The following EXOC4 variants were observed in gnomAD, a reference collection of about 807,000 sequenced individuals.
EXOC4 encodes the protein SEC8-like 1.
A neutral mutation model predicts 107.2 loss-of-function variants in EXOC4; 71 were observed. The observed-to-expected ratio is 0.66, with a 90% CI of 0.55 to 0.81. The LOEUF (loss-of-function observed/expected upper bound fraction) is 0.81, where lower values mean the gene tolerates loss of function less well. EXOC4 is among the 30% of genes least tolerant of loss of function. The pLI is 0.00. For synonymous variants in EXOC4, 456 were observed against 441.2 expected (o/e 1.03, Z -0.42); for missense variants, 1,108 against 1,189.6 (o/e 0.93, Z 1.01).
At chr7:133,356,949 C>T (rs1320451386) in intron 6 of EXOC4, among the ~76,000 whole-genome samples, 2 of 152,154 alleles carry the variant, frequency 1.3e-5, no homozygotes, top group East Asian at 1.9e-4. Flanking sequence ...CATTGCTCTC[C>T]GGCCTAGGTG....
intron 11 of EXOC4, among the ~76,000 whole-genome samples, chr7:133,887,543 T>G (rs1318435319): frequency 6.6e-6 from 1 of 152,154 alleles, no homozygotes; most frequent in East Asian, 1.9e-4. Context: ...ACAAATTTAA[T>G]GCATGAGTCA....
At chr7:133,351,735 T>C (rs1471873225) in intron 5 of EXOC4, among the ~76,000 whole-genome samples, 1 of 151,958 alleles carries the variant, frequency 6.6e-6, no homozygotes, top group Non-Finnish European at 1.5e-5. Flanking sequence ...GTTAGTTTGT[T>C]CTGTTTTCAG....
intron 2 of EXOC4, among the ~76,000 whole-genome samples, chr7:133,281,746 AG>A (rs553141156): frequency 9.8e-4 from 147 of 150,586 alleles, no homozygotes; most frequent in African/African-American, 3.4e-3. Flanking sequence ...CTGTTGCCCA[AG>A]CTGGAGGGCA....
At chr7:133,831,306 A>T (rs564090303) in intron 11 of EXOC4, among the ~76,000 whole-genome samples, 31 of 152,266 alleles carry the variant, frequency 2.0e-4, no homozygotes, top group African/African-American at 7.0e-4. Context: ...ATGTAGTAGA[A>T]TGTAGTTATG....
At chr7:133,412,293 T>TTTTG (rs1206671295) in intron 7 of EXOC4, among the ~76,000 whole-genome samples, 6 of 147,694 alleles carry the variant, frequency 4.1e-5, no homozygotes, top group Admixed American at 6.8e-5. Context: ...TTTTTTTTTT[T>TTTTG]TTTTTTTTGC....
Position 133,458,152 on chromosome 7 carries a change from G to A in EXOC4, c.1183-17176G>A, listed in dbSNP as rs548403306. 2.2e-4 allele frequency among the ~76,000 whole-genome samples: 34 copies of A among 152,216 alleles called. No homozygotes were observed. The South Asian group carries it at 5.0e-3, about 22-fold the overall frequency. ...GTAGTTATTTTGTCTAGACCACTACGCAGCTATTCATCTCATTCATTATTG... is the reference window on the plus strand; with the variant it reads ...GTAGTTATTTTGTCTAGACCACTACACAGCTATTCATCTCATTCATTATTG... On this transcript the variant is annotated intron_variant, in intron 7 of 17. Coordinates refer to ENST00000253861, the MANE Select transcript of EXOC4 (RefSeq NM_021807.4).
intron 6 of EXOC4, among the ~76,000 whole-genome samples, chr7:133,374,393 A>G (rs981925470): frequency 2.0e-5 from 3 of 152,124 alleles, no homozygotes; most frequent in African/African-American, 7.2e-5. Flanking sequence ...TAATATCCTT[A>G]TCAAAGTGCC....
intron 5 of EXOC4, among the ~76,000 whole-genome samples, chr7:133,338,625 T>TAAAA (rs1554438696): frequency 3.5e-4 from 23 of 65,934 alleles, no homozygotes; most frequent in Admixed American, 8.5e-4. Flanking sequence ...AAAAAAAAAT[T>TAAAA]TTTATTTCAT....
intron 10 of EXOC4, among the ~76,000 whole-genome samples, chr7:133,712,603 A>C (rs1455720623): frequency 6.6e-6 from 1 of 152,150 alleles, no homozygotes; most frequent in East Asian, 1.9e-4. Context: ...TCCTAGATAT[A>C]TATACCAAAA....
At chr7:134,087,082 C>T in the EXOC4 span, among the ~76,000 whole-genome samples, 1 of 152,114 alleles carries the variant, frequency 6.6e-6, no homozygotes, top group Non-Finnish European at 1.5e-5. Context: ...CCTGTTTCAT[C>T]CTGTGACTTA....
the EXOC4 span, among the ~76,000 whole-genome samples, chr7:134,091,541 T>G: frequency 6.6e-6 from 1 of 152,222 alleles, no homozygotes; most frequent in Non-Finnish European, 1.5e-5. Context: ...TTAGAATGCC[T>G]TAATCGTCTG....
chr7:133,662,415 G>A (rs1427155510), intron 10 of EXOC4, among the ~76,000 whole-genome samples: 3 of 152,062 alleles, frequency 2.0e-5, no homozygotes, highest in Non-Finnish European at 4.4e-5. Context: ...AAGGAGAATG[G>A]GAGGGAAATT....
At chr7:133,652,397 A>G (rs1212546305) in intron 10 of EXOC4, among the ~76,000 whole-genome samples, 1 of 152,126 alleles carries the variant, frequency 6.6e-6, no homozygotes, top group Non-Finnish European at 1.5e-5. Context: ...TCTTTAGCAT[A>G]ATGTAGAGAT....
chr7:133,351,518 GAA>G (rs1563030782), intron 5 of EXOC4, among the ~76,000 whole-genome samples: 2 of 151,866 alleles, frequency 1.3e-5, no homozygotes, highest in Non-Finnish European at 2.9e-5. Flanking sequence ...TATTTCTCTA[GAA>G]TCAATGGTAA....
intron 1 of EXOC4, 123 bp from the exon 2 acceptor site, chr7:133,274,859 A>G: frequency 5.4e-6 from 4 of 735,224 alleles, no homozygotes; most frequent in African/African-American, 1.8e-5. Context: ...AACTTATTTC[A>G]TTTCCTAGTT....
chr7:133,310,069 A>G (rs180980582), intron 4 of EXOC4, among the ~76,000 whole-genome samples: 139 of 152,366 alleles, frequency 9.1e-4, no homozygotes, highest in African/African-American at 3.3e-3. Flanking sequence ...GGAATGCTGA[A>G]TTCTTGCTTA....
At chr7:133,477,473 T>C (rs965709037) in intron 8 of EXOC4, among the ~76,000 whole-genome samples, 2 of 152,210 alleles carry the variant, frequency 1.3e-5, no homozygotes, top group Non-Finnish European at 2.9e-5. Context: ...CCACATCTTT[T>C]TGTGGCTTGA....
the EXOC4 span, among the ~76,000 whole-genome samples, chr7:134,074,987 GT>G: frequency 6.6e-6 from 1 of 152,176 alleles, no homozygotes; most frequent in African/African-American, 2.4e-5. Flanking sequence ...TATGCAGTTT[GT>G]CAACCTCCAC....
At chr7:133,951,748 T>G (rs1033935169) in intron 14 of EXOC4, among the ~76,000 whole-genome samples, 10 of 152,134 alleles carry the variant, frequency 6.6e-5, no homozygotes, top group South Asian at 2.1e-4. Context: ...AGGCATAGGG[T>G]AAGGTCGTAT....
Sources: allele counts gnomAD v4.1 joint callset (sites outside exome capture counted in the v4.1 genomes callset), GRCh38; gene constraint gnomAD v4.1.1; transcripts MANE v1.5; gene names NCBI Gene and HGNC (gene_info 2026-07-23, HGNC 2026-07-21).